PRELID2: variants seen among roughly 807,000 people sequenced by gnomAD.
PRELID2 encodes PRELI domain containing 2, also known as PRELI domain-containing protein 2.
A neutral mutation model predicts 28.4 loss-of-function variants in PRELID2; 25 were observed. The ratio of observed to expected loss-of-function variants is 0.88; its 90% CI spans 0.64 to 1.23. The LOEUF is 1.23. Among genes scored for constraint, PRELID2 ranks in the 50% most tolerant of loss-of-function variants. PRELID2 has a pLI of 0.00. For synonymous variants in PRELID2, 76 were observed against 71.6 expected (o/e 1.06, Z -0.31); for missense variants, 201 against 214.4 (o/e 0.94, Z 0.39).
chr5:145,731,303 C>T (rs1343561434), intron 1 of PRELID2, among the ~76,000 whole-genome samples: 3 of 152,178 alleles, frequency 2.0e-5, no homozygotes, highest in South Asian at 2.1e-4. Flanking sequence ...ATGTTAATAT[C>T]GGCTTCTATT....
chr5:145,734,728 A>G (rs1780716164), intron 1 of PRELID2, among the ~76,000 whole-genome samples: 1 of 152,214 alleles, frequency 6.6e-6, no homozygotes, highest in Non-Finnish European at 1.5e-5. Context: ...TTATTTTTAC[A>G]ATGACTCTAT....
chr5:145,745,049 G>A (rs1198611762), intron 1 of PRELID2, among the ~76,000 whole-genome samples: 2 of 151,908 alleles, frequency 1.3e-5, no homozygotes, highest in African/African-American at 2.4e-5. Context: ...CACAGCATGA[G>A]AACTTTGTAA....
chr5:145,387,696 C>T, the PRELID2 span, among the ~76,000 whole-genome samples: 1 of 152,066 alleles, frequency 6.6e-6, no homozygotes, highest in Non-Finnish European at 1.5e-5. Context: ...CTTTGGGAGG[C>T]CAAGGTGGGA....
chr5:145,764,785 T>G lies in PRELID2; in HGVS notation c.*10+146A>C. ...CAAGTAAATAAAAGTACTGAAGAGA[T>G]AAAACACCTGTGAAATAGTATTCTG... On this transcript the variant is annotated intron_variant, in intron 6 of 6. Transcript: ENST00000683046. The G allele has an allele frequency of 1.3e-5, 8 of 629,542 alleles. No individual in the cohort carries two copies. The South Asian group carries it at 1.5e-4, about 12-fold the overall frequency. 39.0% of individuals were successfully genotyped at this position (629,542 alleles called of 1,614,324 possible). A position where few individuals can be genotyped will look rare whatever the true frequency, so the allele number is the denominator to read the frequency against.
the PRELID2 span, among the ~76,000 whole-genome samples, chr5:145,412,948 A>G: frequency 2.0e-4 from 31 of 152,160 alleles, no homozygotes; most frequent in Admixed American, 5.2e-4. Flanking sequence ...ATGAGAAATC[A>G]CTCACTATCA....
intron 1 of PRELID2, among the ~76,000 whole-genome samples, chr5:145,686,606 G>GT (rs1464306069): frequency 1.9e-4 from 29 of 152,256 alleles, no homozygotes; most frequent in African/African-American, 5.8e-4. Flanking sequence ...TTGTGTGCGT[G>GT]TTTTTTTAAA....
intron 1 of PRELID2, among the ~76,000 whole-genome samples, chr5:145,661,847 T>TA (rs930114896): frequency 5.9e-5 from 9 of 151,856 alleles, no homozygotes; most frequent in Admixed American, 2.0e-4. Context: ...GGAAATAATA[T>TA]AAAAAAATAG....
chr5:145,642,571 T>A (rs932612023), intron 1 of PRELID2, among the ~76,000 whole-genome samples: 5 of 152,254 alleles, frequency 3.3e-5, no homozygotes, highest in African/African-American at 4.8e-5. Flanking sequence ...TTTGGTGATT[T>A]AGCCATGAAG....
chr5:145,268,219 C>T, the PRELID2 span, among the ~76,000 whole-genome samples: 4 of 152,092 alleles, frequency 2.6e-5, no homozygotes, highest in African/African-American at 4.8e-5. Flanking sequence ...TTGCCCAGTC[C>T]AATGTCCTGG....
At chr5:145,317,826 C>T in the PRELID2 span, among the ~76,000 whole-genome samples, 23 of 152,152 alleles carry the variant, frequency 1.5e-4, no homozygotes, top group African/African-American at 5.5e-4. Context: ...TGGTGCTCAT[C>T]TTTAGGTAAC....
At chr5:145,288,818 T>C in the PRELID2 span, among the ~76,000 whole-genome samples, 1 of 152,160 alleles carries the variant, frequency 6.6e-6, no homozygotes, top group Non-Finnish European at 1.5e-5. Flanking sequence ...TTTCTCATTG[T>C]ATGTCTATAA....
the PRELID2 span, among the ~76,000 whole-genome samples, chr5:145,271,020 A>G: frequency 1.3e-5 from 2 of 152,136 alleles, no homozygotes; most frequent in East Asian, 3.9e-4. Context: ...AGGAGAGAGA[A>G]GAGTGAGGAG....
At chr5:145,256,680 A>G in the PRELID2 span, among the ~76,000 whole-genome samples, 1 of 151,998 alleles carries the variant, frequency 6.6e-6, no homozygotes, top group Non-Finnish European at 1.5e-5. Context: ...ACCATACCTA[A>G]GCAGATAATT....
chr5:145,794,269 C>G (rs1239576081), intron 5 of PRELID2, among the ~76,000 whole-genome samples: 1 of 152,092 alleles, frequency 6.6e-6, no homozygotes, highest in Non-Finnish European at 1.5e-5. Flanking sequence ...CCAGTGAAGA[C>G]CTTTCTGAAG....
chr5:145,341,486 G>A, the PRELID2 span, among the ~76,000 whole-genome samples: 1 of 152,040 alleles, frequency 6.6e-6, no homozygotes, highest in South Asian at 2.1e-4. Context: ...ATTGCAGTGA[G>A]CCAAGACTGA....
chr5:145,615,410 C>A (rs192214887), intron 1 of PRELID2, among the ~76,000 whole-genome samples: 2,418 of 130,414 alleles, frequency 0.019, 302 homozygotes, highest in African/African-American at 0.075. Flanking sequence ...ACTGCAGGCT[C>A]CGCCCCCTGG....
At chr5:145,668,081 T>G (rs1371712708) in intron 1 of PRELID2, among the ~76,000 whole-genome samples, 1 of 152,074 alleles carries the variant, frequency 6.6e-6, no homozygotes, top group African/African-American at 2.4e-5. Context: ...ACATTAGAAT[T>G]TCAGGAAAGA....
At chr5:145,274,577 A>G in the PRELID2 span, among the ~76,000 whole-genome samples, 1 of 152,200 alleles carries the variant, frequency 6.6e-6, no homozygotes, top group African/African-American at 2.4e-5. Flanking sequence ...AGGGAGGCTT[A>G]CATAATTGTA....
At chr5:145,317,753 C>T in the PRELID2 span, among the ~76,000 whole-genome samples, 4 of 152,158 alleles carry the variant, frequency 2.6e-5, no homozygotes, top group African/African-American at 9.7e-5. Flanking sequence ...GACTTTGTCC[C>T]TGGGCTCCAG....
Sources: gnomAD v4.1 joint callset for allele counts (sites outside exome capture counted in the v4.1 genomes callset) on GRCh38, gnomAD v4.1.1 for gene constraint, MANE v1.5 for transcripts, NCBI Gene and HGNC (gene_info 2026-07-23, HGNC 2026-07-21) for gene names.